Variants in WDFY3 observed in about 807,000 individuals in gnomAD.
WDFY3 encodes WD repeat and FYVE domain-containing protein 3.
In WDFY3, 66 loss-of-function variants were observed where a neutral mutation model predicts 409.6. The ratio of observed to expected loss-of-function variants is 0.16; its 90% CI spans 0.13 to 0.20. The LOEUF is 0.20. Ranked by LOEUF, WDFY3 falls within the 10% of genes least tolerant of loss-of-function variation. WDFY3 has a pLI of 1.00. For synonymous variants in WDFY3, 1,521 were observed against 1,537.1 expected (o/e 0.99, Z 0.25); for missense variants, 3,031 against 4,298.1 (o/e 0.71, Z 8.24).
chr4:84,733,289 T>C, intron 44 of WDFY3, 93 bp downstream of exon 44: 1 of 1,353,158 alleles, frequency 7.4e-7, no homozygotes, highest in Non-Finnish European at 1.0e-6. Context: ...AAATTAGCTA[T>C]TTGAGGTAAT....
rs192119220 is a variant in WDFY3 at position 84,857,105 on chromosome 4, C to A, written c.180+3307G>T. 2.4e-3 allele frequency among the ~76,000 whole-genome samples: 370 copies of A among 152,150 alleles called. 1 individual carries two copies. The highest frequency in any genetic ancestry group is 0.021 in the Middle Eastern group (6 of 290). On this transcript the variant is annotated intron_variant, in intron 4 of 67. Coordinates refer to ENST00000295888, the MANE Select transcript of WDFY3 (RefSeq NM_014991.6). The stretch of plus-strand genomic sequence containing the variant: ...TTTCATTAGTTAAGAGTTTACTGAA[C>A]CTTTGTGATATCAAATCACTCATTA...
intron 19 of WDFY3, among the ~76,000 whole-genome samples, chr4:84,795,548 G>C (rs756773009): frequency 1.3e-4 from 20 of 152,322 alleles, no homozygotes; most frequent in Middle Eastern, 3.4e-3. Flanking sequence ...GATCACTTGA[G>C]GTCGGGAGTT....
At chr4:84,931,179 C>T (rs987666353) in intron 2 of WDFY3, among the ~76,000 whole-genome samples, 6 of 152,124 alleles carry the variant, frequency 3.9e-5, no homozygotes, top group African/African-American at 7.2e-5. Context: ...GGGAGACTAT[C>T]GCACATGTGG....
At chr4:84,699,713 G>T (rs190820624) in intron 56 of WDFY3, among the ~76,000 whole-genome samples, 8 of 152,002 alleles carry the variant, frequency 5.3e-5, no homozygotes, top group African/African-American at 1.9e-4. Context: ...GCCAGCCCTT[G>T]TTGTTTTTCA....
chr4:84,850,735 G>GCCC (rs1758799287), intron 4 of WDFY3, among the ~76,000 whole-genome samples: 1 of 151,966 alleles, frequency 6.6e-6, no homozygotes, highest in East Asian at 1.9e-4. Context: ...CCAGGCTGAC[G>GCCC]TCAGAATTCA....
intron 36 of WDFY3, 54 bp from the exon 37 acceptor site, chr4:84,743,853 G>C: frequency 7.8e-7 from 1 of 1,281,156 alleles, no homozygotes; most frequent in Non-Finnish European, 1.1e-6. Flanking sequence ...AAAAATATGA[G>C]CTCAACCACA....
chr4:84,790,137 G>C (rs1157560259), intron 21 of WDFY3, among the ~76,000 whole-genome samples: 2 of 151,942 alleles, frequency 1.3e-5, no homozygotes, highest in Non-Finnish European at 2.9e-5. Flanking sequence ...ATCACCTGAC[G>C]TCAGGAGTTC....
At chr4:84,682,627 G>C in intron 63 of WDFY3, 157 bp from the exon 64 acceptor site, 5 of 641,302 alleles carry the variant, frequency 7.8e-6, no homozygotes, top group South Asian at 2.0e-5. Flanking sequence ...ATGTGGCAGC[G>C]GGCTGCCTGC....
chr4:84,799,338 A>AT (rs11288011), intron 17 of WDFY3, among the ~76,000 whole-genome samples: 5,923 of 142,806 alleles, frequency 0.041, 141 homozygotes, highest in East Asian at 0.1. Context: ...ATATATATAT[A>AT]TTTTTTTTTT....
chr4:84,704,546 G>A, intron 54 of WDFY3, 102 bp from the exon 55 acceptor site: 2 of 913,420 alleles, frequency 2.2e-6, no homozygotes, highest in South Asian at 1.8e-5. Flanking sequence ...TGTGATAACT[G>A]TAACACTAAA....
rs371738138 is a variant in WDFY3 at position 84,821,534 on chromosome 4, C to T, written c.1141G>A (p.Val381Ile). ...TTCTGAAGAACTGCAAAGGCCTGGA[C>T]GTTTCTCACACTGTGACCTAGAACA... ...PAGKGHSVRN[V>I]QAFAVLQNAF... The change falls in exon 11 of 68, where the codon GTC becomes ATC. Residue 381 changes from valine to isoleucine, a missense_variant. Physicochemically the swap from Val to Ile is conservative, Grantham distance 29. Transcript: ENST00000295888. The T allele has an allele frequency of 1.7e-5, 28 of 1,612,348 alleles. No individual in the cohort carries two copies. The highest frequency in any genetic ancestry group is 2.7e-5 in the African/African-American group (2 of 74,802).
At chr4:84,847,321 G>T (rs890427098) in intron 5 of WDFY3, among the ~76,000 whole-genome samples, 4 of 152,076 alleles carry the variant, frequency 2.6e-5, no homozygotes, top group Non-Finnish European at 4.4e-5. Context: ...GCTTTTTAAT[G>T]CTCCATTCTT....
chr4:84,914,375 T>A (rs941676518), intron 2 of WDFY3, among the ~76,000 whole-genome samples: 1 of 152,040 alleles, frequency 6.6e-6, no homozygotes, highest in South Asian at 2.1e-4. Context: ...GATAGCGCCA[T>A]TGCACTTCAG....
chr4:84,830,808 A>G (rs1050142182), intron 8 of WDFY3, among the ~76,000 whole-genome samples: 4 of 152,222 alleles, frequency 2.6e-5, no homozygotes, highest in African/African-American at 9.6e-5. Context: ...TCAGTAAAAG[A>G]AGAGAGAAGA....
chr4:84,882,194 C>T (rs1364659642), intron 3 of WDFY3, among the ~76,000 whole-genome samples: 1 of 152,146 alleles, frequency 6.6e-6, no homozygotes, highest in African/African-American at 2.4e-5. Flanking sequence ...TCAAGGCTCT[C>T]AGTCAACAGC....
intron 13 of WDFY3, among the ~76,000 whole-genome samples, chr4:84,812,345 G>C (rs182324860): frequency 6.6e-6 from 1 of 151,812 alleles, no homozygotes; most frequent in Non-Finnish European, 1.5e-5. Flanking sequence ...ACATGTATGC[G>C]CATGCACGCA....
intron 38 of WDFY3, among the ~76,000 whole-genome samples, chr4:84,741,435 C>T (rs574635130): frequency 1.3e-5 from 2 of 152,118 alleles, no homozygotes; most frequent in East Asian, 3.9e-4. Flanking sequence ...CTGCCTCCAC[C>T]TCCCAAGTAG....
intron 12 of WDFY3, among the ~76,000 whole-genome samples, chr4:84,819,493 G>T (rs1753768576): frequency 1.3e-5 from 2 of 152,006 alleles, no homozygotes; most frequent in African/African-American, 4.8e-5. Flanking sequence ...TTACCTGAGA[G>T]TTGTTTGATG....
At chr4:84,798,207 T>C (rs1749842959) in intron 17 of WDFY3, 99 bp from the exon 18 acceptor site, 1 of 1,027,502 alleles carries the variant, frequency 9.7e-7, no homozygotes, top group African/African-American at 1.6e-5. Context: ...TCCAACAGAC[T>C]AATTACAATA....
Sources: gnomAD v4.1 joint callset for allele counts (sites outside exome capture counted in the v4.1 genomes callset) on GRCh38, gnomAD v4.1.1 for gene constraint, MANE v1.5 for transcripts, NCBI Gene and HGNC (gene_info 2026-07-23, HGNC 2026-07-21) for gene names.